XIAP: variants seen among roughly 807,000 people sequenced by gnomAD.
The protein encoded by XIAP is X-linked inhibitor of apoptosis.
In XIAP, 3 loss-of-function variants were observed where a neutral mutation model predicts 33.1. That is an observed-to-expected ratio of 0.09 (90% CI 0.04 to 0.23). XIAP has a LOEUF of 0.23. Among genes scored for constraint, XIAP ranks in the 10% least tolerant of loss-of-function variants. XIAP has a pLI of 1.00. For missense variants in XIAP, 264 were observed against 363.0 expected (o/e 0.73, Z 2.22); for synonymous variants, 98 against 121.3 (o/e 0.81, Z 1.26).
chrX:123,910,448 A>G lies in XIAP; in HGVS notation c.*3267A>G. On this transcript the variant is annotated 3_prime_UTR_variant, in exon 7 of 7. Coordinates refer to ENST00000371199, the MANE Select transcript of XIAP (RefSeq NM_001167.4). Reference sequence around the variant, plus strand: ...ACTACCGCCCCAGCATTAGTTTCACATGATATACCCTTTAAACCCGAATCA... The same window carrying G: ...ACTACCGCCCCAGCATTAGTTTCACGTGATATACCCTTTAAACCCGAATCA... 1 of 328,177 alleles carries G rather than the reference A, an allele frequency of 3.0e-6. No individual in the cohort carries two copies. Among genetic ancestry groups the G allele is most frequent in the South Asian group, 2.6e-5 (1 of 38,350 alleles). The allele number at this position is 328,177 out of a possible 1,213,427, so 27.0% of individuals were successfully genotyped here.
intron 5 of XIAP, among the ~76,000 whole-genome samples, chrX:123,896,226 C>T (rs1211797330): frequency 1.8e-5 from 2 of 109,700 alleles, no homozygotes; most frequent in Non-Finnish European, 3.8e-5. Flanking sequence ...GCCACCACAC[C>T]CAGTTAATTT....
intron 1 of XIAP, among the ~76,000 whole-genome samples, chrX:123,867,614 C>T (rs1183060388): frequency 4.7e-5 from 5 of 107,095 alleles, no homozygotes; most frequent in African/African-American, 1.4e-4. Context: ...CCTTGTGATC[C>T]GCCCGCCTTG....
intron 6 of XIAP, among the ~76,000 whole-genome samples, chrX:123,903,741 A>C (rs1277917143): frequency 9.4e-6 from 1 of 106,301 alleles, no homozygotes; most frequent in Non-Finnish European, 1.9e-5. Flanking sequence ...GTACATTTAC[A>C]TTGTTGCACA....
chrX:123,897,005 C>T (rs1292092707), intron 5 of XIAP, among the ~76,000 whole-genome samples: 2 of 102,307 alleles, frequency 2.0e-5, no homozygotes, highest in Non-Finnish European at 3.9e-5. Context: ...CATCTCAGCT[C>T]ACCACAACCT....
chrX:123,899,456 G>A (rs1436738184), intron 5 of XIAP, among the ~76,000 whole-genome samples: 2 of 106,465 alleles, frequency 1.9e-5, no homozygotes, highest in South Asian at 7.9e-4. Context: ...ATTTATCTGT[G>A]TGACTATCCC....
intron 1 of XIAP, among the ~76,000 whole-genome samples, chrX:123,866,386 G>C (rs776509682): frequency 3.4e-4 from 35 of 102,142 alleles, no homozygotes; most frequent in African/African-American, 1.1e-3. Flanking sequence ...AGTATTTTAA[G>C]TTATAAAAGA....
chrX:123,912,348 CAA>C lies in XIAP; in HGVS notation c.*5179_*5180del, dbSNP rs60841987. ...TAGCATTAAGGTTGGTGCAAAAATG[CAA>C]AAAAAAAAAAAGCAATTATTTTTAA... On this transcript the variant is annotated 3_prime_UTR_variant, in exon 7 of 7. Coordinates refer to ENST00000371199, the MANE Select transcript of XIAP (RefSeq NM_001167.4). 6.9e-3 allele frequency: 1,773 copies of C among 257,681 alleles called. No individual in the cohort carries two copies. The highest frequency in any genetic ancestry group is 0.021 in the Middle Eastern group (17 of 799). The allele number at this position is 257,681 out of a possible 1,213,427, so 21.2% of individuals were successfully genotyped here. A position where few individuals can be genotyped will look rare whatever the true frequency, so the allele number is the denominator to read the frequency against.
intron 1 of XIAP, among the ~76,000 whole-genome samples, chrX:123,882,483 A>G (rs2053312692): frequency 9.0e-6 from 1 of 111,688 alleles, no homozygotes; most frequent in African/African-American, 3.3e-5. Flanking sequence ...ACTATTTCTC[A>G]TATGGTATCA....
At chrX:123,870,323 A>C (rs73231140) in intron 1 of XIAP, among the ~76,000 whole-genome samples, 1 of 112,302 alleles carries the variant, frequency 8.9e-6, no homozygotes, top group Non-Finnish European at 1.9e-5. Flanking sequence ...ACTTGTAGCT[A>C]AAATGATGGG....
intron 1 of XIAP, among the ~76,000 whole-genome samples, chrX:123,868,058 AG>A (rs1475250955): frequency 8.9e-6 from 1 of 111,920 alleles, no homozygotes; most frequent in Non-Finnish European, 1.9e-5. Flanking sequence ...TAACAGGGTC[AG>A]GCATGGTGAC....
chrX:123,886,652 A>G (rs1273618279), intron 2 of XIAP, 113 bp downstream of exon 2: 15 of 765,603 alleles, frequency 2.0e-5, no homozygotes, highest in East Asian at 6.8e-5. Flanking sequence ...ATAACTTGGC[A>G]TGATTATATA....
chrX:123,887,080 C>T (rs989635858), intron 2 of XIAP, among the ~76,000 whole-genome samples: 10 of 111,805 alleles, frequency 8.9e-5, no homozygotes, highest in East Asian at 2.8e-4. Context: ...CCACCACGCC[C>T]GGCTAATTTT....
At chrX:123,890,846 CAGG>C (rs1368172055) in intron 3 of XIAP, among the ~76,000 whole-genome samples, 1 of 106,252 alleles carries the variant, frequency 9.4e-6, no homozygotes, top group Non-Finnish European at 1.9e-5. Flanking sequence ...GAGGCTAAGG[CAGG>C]AGAATCGCTT....
At chrX:123,891,176 A>G (rs2053403988) in intron 3 of XIAP, 62 bp from the exon 4 acceptor site, 2 of 568,600 alleles carry the variant, frequency 3.5e-6, no homozygotes, top group Admixed American at 5.8e-5. Context: ...GATGGAGATT[A>G]TATCTTTGCT....
At chrX:123,893,438 G>T (rs1376740434) in intron 5 of XIAP, among the ~76,000 whole-genome samples, 2 of 110,365 alleles carry the variant, frequency 1.8e-5, no homozygotes, top group Non-Finnish European at 3.8e-5. Flanking sequence ...CAGGAGAATT[G>T]CCTGGCCTGA....
intron 1 of XIAP, among the ~76,000 whole-genome samples, chrX:123,869,814 T>A (rs907211144): frequency 1.8e-5 from 2 of 112,361 alleles, no homozygotes; most frequent in African/African-American, 6.5e-5. Context: ...TAAATTAGAT[T>A]CCATATATGA....
rs143566870 is a variant in XIAP at position 123,863,178 on chromosome X, C to T, written c.-33+2885C>T. Among the ~76,000 whole-genome samples the T allele has an allele frequency of 2.9e-3, 326 of 111,484 alleles. 1 individual carries two copies. Among genetic ancestry groups the T allele is most frequent in the African/African-American group, 9.6e-3 (296 of 30,761 alleles). On this transcript the variant is annotated intron_variant, in intron 1 of 6. Coordinates refer to ENST00000371199, the MANE Select transcript of XIAP (RefSeq NM_001167.4). ...AAAAAGTTAAGACTAGGGCCAAGTGCGGTGGCTTTCACCTGTAATCCCAGC... is the reference window on the plus strand; with the variant it reads ...AAAAAGTTAAGACTAGGGCCAAGTGTGGTGGCTTTCACCTGTAATCCCAGC...
intron 1 of XIAP, among the ~76,000 whole-genome samples, chrX:123,881,502 G>C (rs1407651394): frequency 9.0e-6 from 1 of 110,837 alleles, no homozygotes; most frequent in East Asian, 2.8e-4. Context: ...TTCTCAAAAA[G>C]CTCACACTCT....
Position 123,910,867 on chromosome X carries a change from CAAAA to C in XIAP, c.*3699_*3702del, listed in dbSNP as rs762141177. Reference sequence around the variant, plus strand: ...TGGGCAACAGAGCAAGACTCTGTCTCAAAAAAAAAAAAAAAAGAAATAAGAAAAT... The same window carrying C: ...TGGGCAACAGAGCAAGACTCTGTCTCAAAAAAAAAAAAGAAATAAGAAAAT... On this transcript the variant is annotated 3_prime_UTR_variant, in exon 7 of 7. Coordinates refer to ENST00000371199, the MANE Select transcript of XIAP (RefSeq NM_001167.4). 1.7e-4 allele frequency: 42 copies of C among 241,662 alleles called. No individual in the cohort carries two copies. Among genetic ancestry groups the C allele is most frequent in the African/African-American group, 1.0e-3 (19 of 18,692 alleles). 19.9% of individuals were successfully genotyped at this position (241,662 alleles called of 1,213,427 possible). A position where few individuals can be genotyped will look rare whatever the true frequency, so the allele number is the denominator to read the frequency against.
Sources: gnomAD v4.1 joint callset for allele counts (sites outside exome capture counted in the v4.1 genomes callset) on GRCh38, gnomAD v4.1.1 for gene constraint, MANE v1.5 for transcripts, NCBI Gene and HGNC (gene_info 2026-07-23, HGNC 2026-07-21) for gene names.